NRXN3: variants seen among roughly 807,000 people sequenced by gnomAD.
NRXN3 encodes the protein neurexin 3.
Under a neutral mutation model 137.6 loss-of-function variants are expected in NRXN3, and 32 were observed. The observed-to-expected ratio is 0.23, with a 90% CI of 0.18 to 0.31. The LOEUF is 0.31. Ranked by LOEUF, NRXN3 falls within the 10% of genes least tolerant of loss-of-function variation. NRXN3 has a pLI of 1.00. For missense variants in NRXN3, 1,574 were observed against 2,062.5 expected (o/e 0.76, Z 4.59); for synonymous variants, 798 against 784.5 (o/e 1.02, Z -0.29).
At chr14:78,855,733 G>T (rs531606753) in intron 10 of NRXN3, among the ~76,000 whole-genome samples, 34 of 152,236 alleles carry the variant, frequency 2.2e-4, no homozygotes, top group African/African-American at 7.9e-4. Flanking sequence ...GTTTTACTTT[G>T]GGGTATTGCT....
intron 8 of NRXN3, among the ~76,000 whole-genome samples, chr14:78,799,390 G>T (rs2098831946): frequency 6.6e-6 from 1 of 152,136 alleles, no homozygotes; most frequent in Non-Finnish European, 1.5e-5. Flanking sequence ...TTCCCAAAAA[G>T]TTCTTCATTC....
At chr14:79,649,387 A>T (rs186414345) in intron 16 of NRXN3, among the ~76,000 whole-genome samples, 19 of 152,272 alleles carry the variant, frequency 1.2e-4, no homozygotes, top group Non-Finnish European at 1.6e-4. Context: ...AAGGGAGTCC[A>T]CCAGGCACGT....
intron 8 of NRXN3, among the ~76,000 whole-genome samples, chr14:78,734,996 G>A (rs1268007874): frequency 6.6e-6 from 1 of 152,166 alleles, no homozygotes; most frequent in East Asian, 1.9e-4. Flanking sequence ...GGTCATCTTG[G>A]CTGTAGGACA....
At position 79,435,593 on chromosome 14, in the gene NRXN3, TACACACACACACACAC is replaced by T. The variant is rs35554281; in HGVS notation, c.3263-31606_3263-31591del. Among the ~76,000 whole-genome samples, 1,180 of 143,918 alleles carry T rather than the reference TACACACACACACACAC, an allele frequency of 8.2e-3. 7 individuals are homozygous for T. Among genetic ancestry groups the T allele is most frequent in the African/African-American group, 0.029 (1,111 of 38,920 alleles). The allele number at this position is 143,918 out of a possible 152,430, so 94.4% of individuals were successfully genotyped here. ...TTGGCAAGGATGTAGAACACTAAGA[TACACACACACACACAC>T]ACACACACACACACACACACATACA... On this transcript the variant is annotated intron_variant, in intron 15 of 20. Transcript: ENST00000335750.
In NRXN3 at chr14:79,761,124, A is replaced by T. The variant is rs1603468092; in HGVS notation, c.4015-43988A>T. 2.6e-5 allele frequency among the ~76,000 whole-genome samples: 4 copies of T among 151,808 alleles called. No individual in the cohort carries two copies. In the East Asian group the frequency reaches 5.8e-4, roughly 22 times the overall value. The stretch of plus-strand genomic sequence containing the variant: ...TAGAACAGTGACAGATAATGCAAAA[A>T]AAGATTTAATATATTTTTATATATT... On this transcript the variant is annotated intron_variant, in intron 19 of 20. Transcript: ENST00000335750.
intron 4 of NRXN3, among the ~76,000 whole-genome samples, chr14:78,527,749 T>G (rs1469511375): frequency 6.6e-6 from 1 of 152,212 alleles, no homozygotes; most frequent in African/African-American, 2.4e-5. Flanking sequence ...TAAACTAATA[T>G]GGATAGCTAT....
chr14:78,912,659 C>T (rs1430483947), intron 10 of NRXN3, among the ~76,000 whole-genome samples: 2 of 152,104 alleles, frequency 1.3e-5, no homozygotes, highest in Non-Finnish European at 2.9e-5. Flanking sequence ...ATTTATTCTT[C>T]TTACATCCTC....
chr14:78,746,377 A>G (rs544411020), intron 8 of NRXN3, among the ~76,000 whole-genome samples: 1 of 152,250 alleles, frequency 6.6e-6, no homozygotes, highest in East Asian at 1.9e-4. Context: ...CTTTTTCACA[A>G]AAGCATACTC....
At chr14:78,235,040 G>GTATATA (rs1338237743) in intron 1 of NRXN3, among the ~76,000 whole-genome samples, 7 of 103,806 alleles carry the variant, frequency 6.7e-5, no homozygotes, top group South Asian at 3.4e-4. Flanking sequence ...ATATATATGT[G>GTATATA]TGTGTGTGTG....
chr14:79,502,197 C>A (rs572614346), intron 16 of NRXN3, among the ~76,000 whole-genome samples: 76 of 152,280 alleles, frequency 5.0e-4, no homozygotes, highest in East Asian at 1.7e-3. Context: ...TCTTAGGAAG[C>A]AAGCTATCTT....
At chr14:78,182,129 G>A (rs747327861) in intron 1 of NRXN3, among the ~76,000 whole-genome samples, 15 of 151,820 alleles carry the variant, frequency 9.9e-5, no homozygotes, top group Non-Finnish European at 1.6e-4. Context: ...GGGGGACAAT[G>A]ATAGCTAAAA....
chr14:79,268,520 A>G (rs983895005), intron 15 of NRXN3, among the ~76,000 whole-genome samples: 1 of 152,194 alleles, frequency 6.6e-6, no homozygotes, highest in Admixed American at 6.5e-5. Flanking sequence ...ACCAGAAGAA[A>G]ACATGTGGTA....
chr14:78,649,201 G>GT (rs2097715353), intron 5 of NRXN3: 5 of 1,186,020 alleles, frequency 4.2e-6, no homozygotes, highest in Admixed American at 4.6e-5. Context: ...TTTGTTTTTA[G>GT]TTTTTTTAAT....
chr14:79,336,681 A>G (rs2092284238), intron 15 of NRXN3, among the ~76,000 whole-genome samples: 2 of 152,338 alleles, frequency 1.3e-5, no homozygotes, highest in African/African-American at 2.4e-5. Flanking sequence ...GTTATGTTAT[A>G]AAAAGCGGGT....
chr14:78,300,816 G>T, intron 4 of NRXN3: 1 of 657,378 alleles, frequency 1.5e-6, no homozygotes, highest in Non-Finnish European at 2.6e-6. Context: ...AACAACAACT[G>T]AAAAATAAGA....
intron 1 of NRXN3, among the ~76,000 whole-genome samples, chr14:78,226,775 G>A (rs1244534043): frequency 6.6e-6 from 1 of 152,088 alleles, no homozygotes; most frequent in South Asian, 2.1e-4. Flanking sequence ...TTGCTGTTAA[G>A]TAAAACCTGA....
intron 14 of NRXN3, among the ~76,000 whole-genome samples, chr14:78,972,371 G>A (rs2099444988): frequency 6.6e-6 from 1 of 152,186 alleles, no homozygotes; most frequent in African/African-American, 2.4e-5. Flanking sequence ...GAGCTTTTTG[G>A]TGTTCCCAAA....
At chr14:78,179,834 GTTTTTTTGT>G (rs2059642884) in intron 1 of NRXN3, among the ~76,000 whole-genome samples, 1 of 111,394 alleles carries the variant, frequency 9.0e-6, no homozygotes, top group African/African-American at 3.5e-5. Flanking sequence ...GTTTGTTTCT[GTTTTTTTGT>G]TTTTTTTTTT....
chr14:78,879,860 C>G (rs1252174982), intron 10 of NRXN3, among the ~76,000 whole-genome samples: 4 of 151,394 alleles, frequency 2.6e-5, no homozygotes, highest in African/African-American at 9.8e-5. Context: ...ATGGAGGGAC[C>G]CCCCCTGCCC....
Sources: allele counts gnomAD v4.1 joint callset (sites outside exome capture counted in the v4.1 genomes callset), GRCh38; gene constraint gnomAD v4.1.1; transcripts MANE v1.5; gene names NCBI Gene and HGNC (gene_info 2026-07-23, HGNC 2026-07-21).